Variants in AFF2 observed in about 807,000 individuals in gnomAD.
AFF2 encodes the protein ALF transcription elongation factor 2.
Under a neutral mutation model 76.9 loss-of-function variants are expected in AFF2, and 14 were observed. The observed-to-expected ratio is 0.18, with a 90% CI of 0.12 to 0.28. The LOEUF is 0.28. AFF2 is among the 10% of genes least tolerant of loss of function. AFF2 has a pLI of 1.00. For synonymous variants in AFF2, 398 were observed against 366.7 expected (o/e 1.09, Z -0.98); for missense variants, 868 against 1,001.1 (o/e 0.87, Z 1.79).
At chrX:148,559,609 CT>C (rs576579546) in intron 1 of AFF2, among the ~76,000 whole-genome samples, 36 of 110,981 alleles carry the variant, frequency 3.2e-4, no homozygotes, top group African/African-American at 5.6e-4. Flanking sequence ...TGAACTCATC[CT>C]TTTTTTTATG....
chrX:148,594,053 A>T (rs2053547670), intron 1 of AFF2, among the ~76,000 whole-genome samples: 1 of 111,320 alleles, frequency 9.0e-6, no homozygotes, highest in African/African-American at 3.3e-5. Flanking sequence ...TATGTGTGGA[A>T]GTTGCATATT....
At position 148,991,559 on chromosome X, in the gene AFF2, T is replaced by C; in HGVS notation, c.*227T>C. On this transcript the variant is annotated 3_prime_UTR_variant, in exon 21 of 21. Coordinates refer to ENST00000370460, the MANE Select transcript of AFF2 (RefSeq NM_002025.4). Reference sequence around the variant, plus strand: ...TCATTTTTTTTCTTTTAGCATTTGATATGCATTTCTCAGATTCCACCATCT... The same window carrying C: ...TCATTTTTTTTCTTTTAGCATTTGACATGCATTTCTCAGATTCCACCATCT... 3.6e-6 allele frequency: 1 copy of C among 277,903 alleles called. No homozygotes were observed. The highest frequency in any genetic ancestry group is 6.1e-6 in the Non-Finnish European group (1 of 164,219). 22.9% of individuals were successfully genotyped at this position (277,903 alleles called of 1,213,427 possible). A position where few individuals can be genotyped will look rare whatever the true frequency, so the allele number is the denominator to read the frequency against.
intron 3 of AFF2, among the ~76,000 whole-genome samples, chrX:148,691,778 C>T (rs886649041): frequency 3.6e-5 from 4 of 111,282 alleles, no homozygotes; most frequent in Non-Finnish European, 5.6e-5. Context: ...ATATTCTGTA[C>T]GTTGAAGCTG....
intron 1 of AFF2, among the ~76,000 whole-genome samples, chrX:148,563,890 C>G (rs1037464532): frequency 9.0e-6 from 1 of 111,182 alleles, no homozygotes; most frequent in Non-Finnish European, 1.9e-5. Context: ...TGTCAGTGAC[C>G]AGCACATGCC....
At chrX:148,906,728 C>G (rs2071411042) in intron 9 of AFF2, among the ~76,000 whole-genome samples, 1 of 111,619 alleles carries the variant, frequency 9.0e-6, no homozygotes, top group East Asian at 2.8e-4. Context: ...GCACACTCTT[C>G]TGGTCCATGT....
At chrX:148,519,714 C>T (rs573166897) in intron 1 of AFF2, among the ~76,000 whole-genome samples, 35 of 111,769 alleles carry the variant, frequency 3.1e-4, no homozygotes, top group African/African-American at 9.8e-4. Context: ...TGTACGTATA[C>T]ATACACACTG....
At chrX:148,563,861 C>A (rs2053140739) in intron 1 of AFF2, among the ~76,000 whole-genome samples, 1 of 111,436 alleles carries the variant, frequency 9.0e-6, no homozygotes, top group African/African-American at 3.3e-5. Context: ...CTTATTTCTC[C>A]TGGTACTTCT....
chrX:148,752,148 A>T (rs1449105241), intron 3 of AFF2, among the ~76,000 whole-genome samples: 2 of 111,775 alleles, frequency 1.8e-5, no homozygotes, highest in East Asian at 5.6e-4. Context: ...GAGGATTTCA[A>T]CATATGAATT....
intron 20 of AFF2, 60 bp from the exon 21 acceptor site, chrX:148,991,151 G>C (rs1249024292): frequency 1.8e-6 from 2 of 1,096,232 alleles, no homozygotes; most frequent in Non-Finnish European, 2.4e-6. Context: ...GCTTCTCAAT[G>C]TGGTGCATAT....
chrX:148,975,424 T>C (rs1465746447), intron 16 of AFF2, among the ~76,000 whole-genome samples: 1 of 112,195 alleles, frequency 8.9e-6, no homozygotes, highest in Admixed American at 9.4e-5. Flanking sequence ...ACAGAGACTA[T>C]GCAGCCGCAC....
At chrX:148,886,816 T>G (rs1254646691) in intron 8 of AFF2, among the ~76,000 whole-genome samples, 1 of 112,565 alleles carries the variant, frequency 8.9e-6, no homozygotes, top group Non-Finnish European at 1.9e-5. Context: ...CAGTGAAGTC[T>G]GCTACATTAT....
chrX:148,917,834 G>T (rs373368246), intron 9 of AFF2, among the ~76,000 whole-genome samples: 20 of 112,207 alleles, frequency 1.8e-4, no homozygotes, highest in African/African-American at 6.5e-4. Flanking sequence ...TCACATCTCA[G>T]TGATGGGGTA....
intron 3 of AFF2, among the ~76,000 whole-genome samples, chrX:148,728,143 C>G (rs1471263681): frequency 5.3e-5 from 6 of 112,429 alleles, no homozygotes; most frequent in Non-Finnish European, 1.1e-4. Context: ...GAGCTGCTGC[C>G]ACAGCGTCAT....
In AFF2 at chrX:148,525,815, A is replaced by G. The variant is rs1485960433; in HGVS notation, c.47+24671A>G. The stretch of plus-strand genomic sequence containing the variant: ...TGGAAAACAACATTTGATTTCATGT[A>G]TATATAATGTATCCCATAGTAGGGA... On this transcript the variant is annotated intron_variant, in intron 1 of 20. Transcript: ENST00000370460. Among the ~76,000 whole-genome samples the G allele has an allele frequency of 2.7e-5, 3 of 111,965 alleles. No homozygotes were observed. The Admixed American group carries it at 2.8e-4, about 11-fold the overall frequency.
At chrX:148,720,301 A>C (rs929320634) in intron 3 of AFF2, among the ~76,000 whole-genome samples, 1 of 109,695 alleles carries the variant, frequency 9.1e-6, no homozygotes, top group Non-Finnish European at 1.9e-5. Context: ...GCAAATGTAC[A>C]TTGTCTTCCT....
At chrX:148,698,652 C>T (rs1557261543) in intron 3 of AFF2, among the ~76,000 whole-genome samples, 1 of 112,094 alleles carries the variant, frequency 8.9e-6, no homozygotes, top group Admixed American at 9.5e-5. Context: ...TGTTAAACTG[C>T]GTGCTCTGAA....
intron 8 of AFF2, among the ~76,000 whole-genome samples, chrX:148,890,438 C>A (rs1379171501): frequency 8.9e-6 from 1 of 112,090 alleles, no homozygotes. Flanking sequence ...CATTAACTGG[C>A]AGCCCTCTCT....
At chrX:148,621,719 T>G (rs1557251299) in intron 1 of AFF2, among the ~76,000 whole-genome samples, 1 of 111,526 alleles carries the variant, frequency 9.0e-6, no homozygotes. Flanking sequence ...GTAAAATGTG[T>G]TAGGATCATC....
chrX:148,785,251 TTC>T (rs1557269424), intron 3 of AFF2, among the ~76,000 whole-genome samples: 2 of 112,015 alleles, frequency 1.8e-5, no homozygotes, highest in African/African-American at 6.5e-5. Context: ...ATTACTATCT[TTC>T]TCTGTCATCC....
Sources: allele counts gnomAD v4.1 joint callset (sites outside exome capture counted in the v4.1 genomes callset), GRCh38; gene constraint gnomAD v4.1.1; transcripts MANE v1.5; gene names NCBI Gene and HGNC (gene_info 2026-07-23, HGNC 2026-07-21).